GALNTL6: variants seen among roughly 807,000 people sequenced by gnomAD.
GALNTL6 encodes the protein polypeptide N-acetylgalactosaminyltransferase like 6, also known as polypeptide N-acetylgalactosaminyltransferase-like 6.
GALNTL6 carries 46 observed loss-of-function variants against 73.7 expected under a neutral mutation model. The observed-to-expected ratio is 0.62, with a 90% confidence interval of 0.49 to 0.80. The LOEUF (loss-of-function observed/expected upper bound fraction) is 0.80, where lower values mean the gene tolerates loss of function less well. Among genes scored for constraint, GALNTL6 ranks in the 30% least tolerant of loss-of-function variants. GALNTL6 has a pLI of 0.00. For missense variants in GALNTL6, 604 were observed against 755.0 expected, an observed-to-expected ratio of 0.80 and a Z score of 2.34; for synonymous variants, 259 against 263.7, an observed-to-expected ratio of 0.98 and a Z score of 0.17.
intron 5 of GALNTL6, among the ~76,000 whole-genome samples, chr4:172,571,626 C>T (rs1391910261): frequency 1.3e-5 from 2 of 152,184 alleles, no homozygotes; most frequent in African/African-American, 4.8e-5. Flanking sequence ...AAGGCTTCCA[C>T]TGAGTGCAAG....
At chr4:172,083,110 C>G (rs1731928470) in intron 2 of GALNTL6, among the ~76,000 whole-genome samples, 1 of 152,172 alleles carries the variant, frequency 6.6e-6, no homozygotes. Flanking sequence ...CTTCACAACA[C>G]TTTGTGAGTA....
intron 5 of GALNTL6, among the ~76,000 whole-genome samples, chr4:172,778,991 T>A (rs772518634): frequency 2.6e-4 from 39 of 150,934 alleles, no homozygotes; most frequent in Admixed American, 1.0e-3. Context: ...TCTCTCTCTC[T>A]CACACACACA....
chr4:172,775,722 T>A (rs1739036395), intron 5 of GALNTL6, among the ~76,000 whole-genome samples: 1 of 152,234 alleles, frequency 6.6e-6, no homozygotes, highest in African/African-American at 2.4e-5. Context: ...GCCTGTGATT[T>A]GCTTCTAACC....
At chr4:171,843,854 TA>T (rs1318196246) in intron 2 of GALNTL6, among the ~76,000 whole-genome samples, 2 of 152,182 alleles carry the variant, frequency 1.3e-5, no homozygotes, top group East Asian at 3.8e-4. Context: ...ATAGTGTAAT[TA>T]GTGCTGATTT....
chr4:172,371,443 C>A (rs1360187475), intron 5 of GALNTL6, among the ~76,000 whole-genome samples: 5 of 152,164 alleles, frequency 3.3e-5, no homozygotes, highest in Non-Finnish European at 7.3e-5. Flanking sequence ...ATGGAGAAGA[C>A]CGTCAATTAT....
intron 5 of GALNTL6, among the ~76,000 whole-genome samples, chr4:172,384,719 T>G (rs997966143): frequency 3.9e-5 from 6 of 152,164 alleles, no homozygotes; most frequent in Non-Finnish European, 8.8e-5. Flanking sequence ...TGCTTTATAC[T>G]GGCGTTTACA....
At chr4:172,751,528 T>C (rs1737421912) in intron 5 of GALNTL6, among the ~76,000 whole-genome samples, 1 of 152,224 alleles carries the variant, frequency 6.6e-6, no homozygotes, top group East Asian at 1.9e-4. Flanking sequence ...CTCCTTAGAA[T>C]CCTTCCATCC....
chr4:173,015,657 A>T (rs1752752296), intron 11 of GALNTL6, among the ~76,000 whole-genome samples: 1 of 152,242 alleles, frequency 6.6e-6, no homozygotes, highest in Non-Finnish European at 1.5e-5. Flanking sequence ...GGTATGTGGC[A>T]GAAGAAATCT....
intron 5 of GALNTL6, among the ~76,000 whole-genome samples, chr4:172,482,058 G>A (rs927653945): frequency 7.2e-5 from 11 of 152,202 alleles, no homozygotes; most frequent in East Asian, 1.9e-4. Context: ...CGAGCGCAGC[G>A]CAGGTGGCCC....
chr4:172,247,797 A>T (rs1297301910), intron 3 of GALNTL6, among the ~76,000 whole-genome samples: 1 of 152,208 alleles, frequency 6.6e-6, no homozygotes, highest in Non-Finnish European at 1.5e-5. Context: ...ACTTAGGTTA[A>T]AATAAGTAGT....
At chr4:172,057,375 C>A (rs1731046989) in intron 2 of GALNTL6, among the ~76,000 whole-genome samples, 2 of 151,394 alleles carry the variant, frequency 1.3e-5, no homozygotes, top group Non-Finnish European at 2.9e-5. Flanking sequence ...GAAGGCGAGA[C>A]TAGAAAAAGT....
intron 3 of GALNTL6, among the ~76,000 whole-genome samples, chr4:172,287,205 G>A (rs1226105198): frequency 6.6e-6 from 1 of 152,162 alleles, no homozygotes; most frequent in Non-Finnish European, 1.5e-5. Context: ...CATTCTCCAA[G>A]TGCAGAATGG....
chr4:172,199,360 C>T (rs745543408), intron 2 of GALNTL6, among the ~76,000 whole-genome samples: 11 of 152,072 alleles, frequency 7.2e-5, no homozygotes, highest in Non-Finnish European at 1.3e-4. Flanking sequence ...AGTTATTATT[C>T]CTCGTGCTTA....
chr4:172,989,942 G>A lies in GALNTL6; in HGVS notation c.1372-19236G>A, dbSNP rs372747106. On this transcript the variant is annotated intron_variant, in intron 10 of 12. Transcript: ENST00000506823. The stretch of plus-strand genomic sequence containing the variant: ...ACTTTTTAAAGCCTTGAGCCCAGCC[G>A]CAAATTTATCTGTGCCTTCAGATGC... Among the ~76,000 whole-genome samples the A allele has an allele frequency of 7.9e-5, 12 of 152,242 alleles. No homozygotes were observed. The South Asian group carries it at 8.3e-4, about 11-fold the overall frequency.
chr4:172,394,730 C>T (rs1743791388), intron 5 of GALNTL6, among the ~76,000 whole-genome samples: 1 of 152,130 alleles, frequency 6.6e-6, no homozygotes, highest in African/African-American at 2.4e-5. Context: ...CCACGCCCGG[C>T]CCTTCTTTTA....
intron 10 of GALNTL6, among the ~76,000 whole-genome samples, chr4:172,993,666 C>G (rs77080358): frequency 1.2e-3 from 182 of 152,352 alleles, no homozygotes; most frequent in Non-Finnish European, 2.4e-3. Flanking sequence ...TCGCTTCCCT[C>G]AAAACCTCTT....
At chr4:171,909,050 C>G (rs865971609) in intron 2 of GALNTL6, among the ~76,000 whole-genome samples, 2 of 149,406 alleles carry the variant, frequency 1.3e-5, no homozygotes, top group African/African-American at 2.5e-5. Context: ...TGCTAGATGA[C>G]GAGTTAGTGG....
chr4:172,475,971 A>T (rs1457817500), intron 5 of GALNTL6, among the ~76,000 whole-genome samples: 1 of 152,182 alleles, frequency 6.6e-6, no homozygotes, highest in African/African-American at 2.4e-5. Flanking sequence ...TGGATGCCAT[A>T]ATAATTTTTT....
intron 3 of GALNTL6, among the ~76,000 whole-genome samples, chr4:172,245,324 T>G (rs1156783883): frequency 6.6e-6 from 1 of 152,180 alleles, no homozygotes; most frequent in African/African-American, 2.4e-5. Context: ...CTGCTAATAG[T>G]AGCTCTGCTC....
Sources: allele counts gnomAD v4.1 joint callset (sites outside exome capture counted in the v4.1 genomes callset), GRCh38; gene constraint gnomAD v4.1.1; transcripts MANE v1.5; gene names NCBI Gene and HGNC (gene_info 2026-07-23, HGNC 2026-07-21).